ZZEF1: variants seen among roughly 807,000 people sequenced by gnomAD.
ZZEF1 encodes zinc finger ZZ-type and EF-hand domain containing 1.
Under a neutral mutation model 342.8 loss-of-function variants are expected in ZZEF1, and 157 were observed. The observed-to-expected ratio is 0.46, with a 90% confidence interval of 0.40 to 0.52. The LOEUF is 0.52. Ranked by LOEUF, ZZEF1 falls within the 20% of genes least tolerant of loss-of-function variation. The pLI is 0.00. For missense variants in ZZEF1, 3,480 were observed against 3,725.6 expected (o/e 0.93, Z 1.72); for synonymous variants, 1,505 against 1,429.1 (o/e 1.05, Z -1.20).
At chr17:4,010,200 AC>A (rs1273870029) in intron 52 of ZZEF1, among the ~76,000 whole-genome samples, 6 of 146,514 alleles carry the variant, frequency 4.1e-5, no homozygotes, top group Non-Finnish European at 6.0e-5. Context: ...ACCCCAAAAA[AC>A]AAACAAAAAA....
intron 2 of ZZEF1, among the ~76,000 whole-genome samples, chr17:4,123,678 G>C (rs923967927): frequency 1.1e-4 from 17 of 152,072 alleles, no homozygotes; most frequent in Non-Finnish European, 4.4e-5. Context: ...GATCCAATAA[G>C]GAAAGCGGCC....
intron 39 of ZZEF1, among the ~76,000 whole-genome samples, chr17:4,039,042 A>C (rs2056739550): frequency 6.6e-6 from 1 of 151,072 alleles, no homozygotes; most frequent in Non-Finnish European, 1.5e-5. Context: ...GTGCCTGCTA[A>C]AAAAAAAAGA....
Position 4,064,777 on chromosome 17 carries a change from G to T in ZZEF1, c.4302C>A (p.Gly1434=). The part of the protein sequence containing the change: ...SLLLLKFLPT[G]ISSKESCEKL... ...TTTCGCAGCTTTCTTTTGAACTTAT[G>T]CCCGTGGGCAGAAATTTTAGTAATA... The change falls in exon 29 of 55, where the codon GGC becomes GGA. Residue 1434 remains glycine, a synonymous_variant. Coordinates refer to ENST00000381638, the MANE Select transcript of ZZEF1 (RefSeq NM_015113.4). The T allele has an allele frequency of 6.2e-7, 1 of 1,610,430 alleles. No individual in the cohort carries two copies.
chr17:4,031,747 A>G (rs1435616602), intron 42 of ZZEF1, among the ~76,000 whole-genome samples: 1 of 152,234 alleles, frequency 6.6e-6, no homozygotes, highest in African/African-American at 2.4e-5. Context: ...GGAAAGTTAC[A>G]TGAATTCTAA....
chr17:4,021,112 A>T lies in ZZEF1; in HGVS notation c.7404+17T>A. On this transcript the variant is annotated intron_variant, in intron 45 of 54. Coordinates refer to ENST00000381638, the MANE Select transcript of ZZEF1 (RefSeq NM_015113.4). The stretch of plus-strand genomic sequence containing the variant: ...TCAGAAGCCCCTCCTAAGCCACAAG[A>T]TGACTCAAGAACACACCAAGAAACA... The T allele has an allele frequency of 6.3e-7, 1 of 1,579,556 alleles. No individual in the cohort carries two copies. The highest frequency in any genetic ancestry group is 8.6e-7 in the Non-Finnish European group (1 of 1,160,582).
intron 34 of ZZEF1, among the ~76,000 whole-genome samples, chr17:4,052,700 C>T (rs960449778): frequency 2.0e-5 from 3 of 152,224 alleles, no homozygotes; most frequent in Non-Finnish European, 4.4e-5. Flanking sequence ...AACCTCGTCT[C>T]TATTGAAAAT....
In ZZEF1 at chr17:4,112,710, C is replaced by T; in HGVS notation, c.965G>A (p.Gly322Glu). ...TTCCTGAAGATCGCTGGCATTCCTC[C>T]CTACAGCTACTGTCACCTGCTGTGG... The part of the protein sequence containing the change: ...YMPQQVTVAV[G>E]RNASDLQEVR... Residue 322 changes from glycine (G) to glutamate (E), a missense_variant, in exon 5 of 55, where the codon GGG becomes GAG. Physicochemically the swap from Gly to Glu is moderately conservative, Grantham distance 98 (BLOSUM62 -2). Coordinates refer to ENST00000381638, the MANE Select transcript of ZZEF1 (RefSeq NM_015113.4). 6.2e-7 allele frequency: 1 copy of T among 1,614,174 alleles called. No individual in the cohort carries two copies. Among genetic ancestry groups the T allele is most frequent in the African/African-American group, 1.3e-5 (1 of 75,062 alleles).
At chr17:4,109,924 C>A in intron 5 of ZZEF1, 61 bp from the exon 6 acceptor site, 5 of 1,563,222 alleles carry the variant, frequency 3.2e-6, no homozygotes, top group Non-Finnish European at 4.4e-6. Context: ...ATGCTGGGCT[C>A]CCAACTAAAA....
At chr17:4,105,958 C>CTT in intron 6 of ZZEF1, 149 bp from the exon 7 acceptor site, 3 of 598,188 alleles carry the variant, frequency 5.0e-6, no homozygotes, top group Admixed American at 3.7e-5. Context: ...ACTGGCCCTT[C>CTT]TTTTTTTTTG....
At chr17:4,045,469 T>C (rs1457081048) in intron 37 of ZZEF1, among the ~76,000 whole-genome samples, 3 of 152,230 alleles carry the variant, frequency 2.0e-5, no homozygotes, top group Non-Finnish European at 4.4e-5. Flanking sequence ...ACAGAATAAT[T>C]AGAAAATTCT....
At chr17:4,123,267 C>CTA (rs1567861636) in intron 2 of ZZEF1, among the ~76,000 whole-genome samples, 2 of 41,522 alleles carry the variant, frequency 4.8e-5, no homozygotes, top group South Asian at 8.9e-4. Flanking sequence ...TTTATCATAA[C>CTA]CATATATATA....
intron 7 of ZZEF1, 145 bp downstream of exon 7, chr17:4,105,548 A>C: frequency 4.6e-6 from 3 of 657,378 alleles, no homozygotes; most frequent in South Asian, 1.8e-5. Flanking sequence ...TGAGTGAACT[A>C]TTATGTCACT....
chr17:4,009,590 A>G lies in ZZEF1; in HGVS notation c.8733+14T>C. 1 of 1,611,094 alleles carries G rather than the reference A, an allele frequency of 6.2e-7. No individual in the cohort carries two copies. The highest frequency in any genetic ancestry group is 8.5e-7 in the Non-Finnish European group (1 of 1,179,722). On this transcript the variant is annotated intron_variant, in intron 53 of 54. Coordinates refer to ENST00000381638, the MANE Select transcript of ZZEF1 (RefSeq NM_015113.4). ...TGGAGGCACCGGGCTCCCTGCCCAGACCTCAGGCCTCACCTGGGCACGGTT... is the reference window on the plus strand; with the variant it reads ...TGGAGGCACCGGGCTCCCTGCCCAGGCCTCAGGCCTCACCTGGGCACGGTT...
chr17:4,041,370 G>A (rs562074603), intron 39 of ZZEF1, among the ~76,000 whole-genome samples: 6 of 152,066 alleles, frequency 3.9e-5, no homozygotes, highest in African/African-American at 1.4e-4. Context: ...CTCCCACGTA[G>A]AAGTTCACGT....
intron 39 of ZZEF1, among the ~76,000 whole-genome samples, chr17:4,041,300 T>C (rs2056797590): frequency 1.3e-5 from 2 of 151,798 alleles, no homozygotes; most frequent in African/African-American, 4.8e-5. Flanking sequence ...GAACACATAA[T>C]GATTTTCCTG....
At position 4,062,883 on chromosome 17, in the gene ZZEF1, C is replaced by T; in HGVS notation, c.4753G>A (p.Ala1585Thr). The T allele has an allele frequency of 1.2e-6, 2 of 1,612,442 alleles. No homozygotes were observed. The highest frequency in any genetic ancestry group is 2.2e-5 in the South Asian group (2 of 90,948). ...VKVLSLRKAQAQSILEVLKIT... is the reference protein window; with the variant it reads ...VKVLSLRKAQTQSILEVLKIT... ...TTCAGGACTTCCAGGATGCTCTGGG[C>T]CTGGGCTTTCCTCAGGGAAAGAACC... The change falls in exon 30 of 55, where the codon GCC (alanine) becomes ACC (threonine). Residue 1585 changes from alanine (A) to threonine (T), a missense_variant. By Grantham distance (58) the Ala-to-Thr change is moderately conservative (BLOSUM62 0). Coordinates refer to ENST00000381638, the MANE Select transcript of ZZEF1 (RefSeq NM_015113.4).
At position 4,090,748 on chromosome 17, in the gene ZZEF1, C is replaced by T. The variant is rs747474147; in HGVS notation, c.1996G>A (p.Val666Met). 8 of 1,614,062 alleles carry T rather than the reference C, an allele frequency of 5.0e-6. No homozygotes were observed. The highest frequency in any genetic ancestry group is 1.3e-5 in the African/African-American group (1 of 74,936). The change falls in exon 12 of 55, where the codon GTG becomes ATG. Residue 666 changes from valine to methionine, a missense_variant. Val to Met is a conservative substitution (Grantham distance 21). Coordinates refer to ENST00000381638, the MANE Select transcript of ZZEF1 (RefSeq NM_015113.4). ...ELEEEWDEAD[V>M]KLQQCRVAKY... ...GCAACTCTGCACTGTTGCAGCTTCACATCTGCTTCATCCCATTCTTCTTCC... is the reference window on the plus strand; with the variant it reads ...GCAACTCTGCACTGTTGCAGCTTCATATCTGCTTCATCCCATTCTTCTTCC...
chr17:4,065,320 C>T (rs903826639), intron 28 of ZZEF1, among the ~76,000 whole-genome samples: 10 of 151,720 alleles, frequency 6.6e-5, no homozygotes, highest in Non-Finnish European at 1.3e-4. Flanking sequence ...TTGCTTGAGT[C>T]TGAGAAGTTG....
intron 1 of ZZEF1, among the ~76,000 whole-genome samples, chr17:4,125,475 G>C (rs1290559918): frequency 6.6e-6 from 1 of 152,130 alleles, no homozygotes; most frequent in Non-Finnish European, 1.5e-5. Context: ...CAAAAACCAT[G>C]GGCATAAATG....
Sources: allele counts gnomAD v4.1 joint callset (sites outside exome capture counted in the v4.1 genomes callset), GRCh38; gene constraint gnomAD v4.1.1; transcripts MANE v1.5; gene names NCBI Gene and HGNC (gene_info 2026-07-23, HGNC 2026-07-21).